SKAP1: variants seen among roughly 807,000 people sequenced by gnomAD.
SKAP1 encodes the protein src kinase-associated phosphoprotein 1.
Under a neutral mutation model 58.5 loss-of-function variants are expected in SKAP1, and 44 were observed. The observed-to-expected ratio is 0.75, with a 90% CI of 0.59 to 0.97. The LOEUF (loss-of-function observed/expected upper bound fraction) is 0.97, where lower values mean the gene tolerates loss of function less well. SKAP1 is among the 50% of genes least tolerant of loss of function. The probability of loss-of-function intolerance (pLI) is 0.00; values close to 1 mark genes in which losing one functional copy is unlikely to be tolerated. For synonymous variants in SKAP1, 127 were observed against 149.7 expected, an observed-to-expected ratio of 0.85 and a Z score of 1.11; for missense variants, 390 against 435.2, an observed-to-expected ratio of 0.90 and a Z score of 0.92.
chr17:48,187,353 A>G (rs549797418), intron 6 of SKAP1, among the ~76,000 whole-genome samples: 1 of 152,292 alleles, frequency 6.6e-6, no homozygotes, highest in South Asian at 2.1e-4. Flanking sequence ...TTTGGGTCTC[A>G]ATATTCCATG....
chr17:48,281,084 G>A (rs2065760022), intron 4 of SKAP1, among the ~76,000 whole-genome samples: 1 of 151,822 alleles, frequency 6.6e-6, no homozygotes, highest in Admixed American at 6.6e-5. Context: ...GGAGTGCAGT[G>A]GCGTGATCTT....
chr17:48,327,895 G>C (rs1050560547), intron 4 of SKAP1, among the ~76,000 whole-genome samples: 5 of 152,200 alleles, frequency 3.3e-5, no homozygotes, highest in African/African-American at 9.7e-5. Flanking sequence ...GCCTCCCAAA[G>C]TGCTGGGATT....
intron 2 of SKAP1, among the ~76,000 whole-genome samples, chr17:48,390,779 T>A (rs1427689111): frequency 6.6e-6 from 1 of 152,128 alleles, no homozygotes; most frequent in African/African-American, 2.4e-5. Context: ...AAAAACTCTC[T>A]TAAAAATACA....
At chr17:48,192,234 A>T (rs1216440892) in intron 4 of SKAP1, among the ~76,000 whole-genome samples, 2 of 151,888 alleles carry the variant, frequency 1.3e-5, no homozygotes, top group African/African-American at 2.4e-5. Flanking sequence ...ACATAGGGAG[A>T]TGAGGAAAAC....
At chr17:48,444,779 A>G in the SKAP1 span, among the ~76,000 whole-genome samples, 1 of 152,202 alleles carries the variant, frequency 6.6e-6, no homozygotes, top group Non-Finnish European at 1.5e-5. Context: ...AGTCCCAGCG[A>G]CAGGAGGAAG....
rs139129859 is a variant in SKAP1, at chr17:48,190,294, A to G, written c.281-794T>C. Among the ~76,000 whole-genome samples the G allele has an allele frequency of 3.4e-3, 514 of 151,810 alleles. 2 individuals carry two copies. The highest frequency in any genetic ancestry group is 0.012 in the African/African-American group (493 of 41,398). On this transcript the variant is annotated intron_variant, in intron 4 of 12. Transcript: ENST00000336915. ...GCTAATTTTTTTTTGTTGTATTTTT[A>G]GTAGATATGGGGTTTCACCGTGTTA...
intron 4 of SKAP1, among the ~76,000 whole-genome samples, chr17:48,226,268 TAGAA>T (rs1223238222): frequency 6.6e-6 from 1 of 152,196 alleles, no homozygotes; most frequent in African/African-American, 2.4e-5. Context: ...AATGGATCTT[TAGAA>T]AGAATAAGAG....
chr17:48,334,376 A>AAATATATC (rs2066541314), intron 4 of SKAP1, among the ~76,000 whole-genome samples: 1 of 151,986 alleles, frequency 6.6e-6, no homozygotes, highest in African/African-American at 2.4e-5. Context: ...AGCTTTGTGA[A>AAATATATC]AATATATCAA....
rs750379986 is a variant in SKAP1, at chr17:48,170,621, G to T, written c.865C>A (p.Arg289=). Residue 289 remains arginine (R), a synonymous_variant, in exon 10 of 13, where the codon CGA becomes AGA. Coordinates refer to ENST00000336915, the MANE Select transcript of SKAP1 (RefSeq NM_003726.4). The stretch of plus-strand genomic sequence containing the variant: ...GAAGCTCTTATACCTCCTTTTCGTC[G>T]AGTGCCACTCTCATCCTCTTCTAGA... The part of the protein sequence containing the change: ...HDLEEDESGT[R]RKGVDYASYY... 3.1e-6 allele frequency: 5 copies of T among 1,613,500 alleles called. No individual in the cohort carries two copies. Among genetic ancestry groups the T allele is most frequent in the Non-Finnish European group, 3.4e-6 (4 of 1,179,750 alleles).
intron 4 of SKAP1, among the ~76,000 whole-genome samples, chr17:48,218,407 A>G (rs2064965406): frequency 6.6e-6 from 1 of 152,186 alleles, no homozygotes; most frequent in Non-Finnish European, 1.5e-5. Context: ...TCCCAACAGC[A>G]TTTCATGAAA....
chr17:48,196,199 A>G lies in SKAP1; in HGVS notation c.281-6699T>C, dbSNP rs552005859. On this transcript the variant is annotated intron_variant, in intron 4 of 12. Transcript: ENST00000336915. ...AGCCCATGCTGTTTCCAATACTCTG[A>G]GCTTCAGACATGCACAGAAGTGGAT... 6.4e-4 allele frequency among the ~76,000 whole-genome samples: 98 copies of G among 152,288 alleles called. 1 individual carries two copies. The highest frequency in any genetic ancestry group is 2.3e-3 in the African/African-American group (94 of 41,558).
chr17:48,416,822 G>C (rs2067736844), intron 1 of SKAP1, among the ~76,000 whole-genome samples: 1 of 152,160 alleles, frequency 6.6e-6, no homozygotes, highest in African/African-American at 2.4e-5. Context: ...GTACACTGAA[G>C]TTATCAGACC....
chr17:48,289,956 C>T (rs1486513691), intron 4 of SKAP1, among the ~76,000 whole-genome samples: 1 of 152,028 alleles, frequency 6.6e-6, no homozygotes, highest in East Asian at 1.9e-4. Flanking sequence ...AAGAACTGAA[C>T]ATTAGTTTAA....
Position 48,348,434 on chromosome 17 carries a change from GC to G in SKAP1, c.179-2429del, listed in dbSNP as rs893854735. Among the ~76,000 whole-genome samples, 10 of 151,638 alleles carry G rather than the reference GC, an allele frequency of 6.6e-5. No homozygotes were observed. The South Asian group carries it at 1.7e-3, about 25-fold the overall frequency. On this transcript the variant is annotated intron_variant, in intron 3 of 12. Transcript: ENST00000336915. ...TTAAAAAACATGCAGATCAGGAAGGGCTTTTTTTTTTAGTGAACTTTTTATT... is the reference window on the plus strand; with the variant it reads ...TTAAAAAACATGCAGATCAGGAAGGGTTTTTTTTTTAGTGAACTTTTTATT...
intron 4 of SKAP1, among the ~76,000 whole-genome samples, chr17:48,229,743 G>A (rs920923047): frequency 6.6e-6 from 1 of 151,706 alleles, no homozygotes; most frequent in Non-Finnish European, 1.5e-5. Context: ...ATTTTGGCTG[G>A]TGCTAAACAC....
At chr17:48,190,885 T>C (rs541154828) in intron 4 of SKAP1, among the ~76,000 whole-genome samples, 7 of 152,292 alleles carry the variant, frequency 4.6e-5, no homozygotes, top group African/African-American at 9.6e-5. Context: ...CTCGGGAGGA[T>C]GAGGCACAAG....
At chr17:48,307,211 G>A (rs370041235) in intron 4 of SKAP1, 1 of 152,202 alleles carries the variant, frequency 6.6e-6, no homozygotes, top group African/African-American at 2.4e-5. Context: ...AGCTGAAAAA[G>A]CTTTGCTTAG....
intron 4 of SKAP1, among the ~76,000 whole-genome samples, chr17:48,219,942 G>C (rs2143718618): frequency 6.6e-6 from 1 of 152,298 alleles, no homozygotes; most frequent in Middle Eastern, 3.4e-3. Flanking sequence ...AGGAAAAAAG[G>C]ATATTTTCAG....
intron 4 of SKAP1, among the ~76,000 whole-genome samples, chr17:48,303,190 C>G (rs778088133): frequency 6.6e-6 from 1 of 152,196 alleles, no homozygotes; most frequent in Admixed American, 6.5e-5. Context: ...GAGAGTCTTA[C>G]TTCACAAGCA....
Sources: gnomAD v4.1 joint callset for allele counts (sites outside exome capture counted in the v4.1 genomes callset) on GRCh38, gnomAD v4.1.1 for gene constraint, MANE v1.5 for transcripts, NCBI Gene and HGNC (gene_info 2026-07-23, HGNC 2026-07-21) for gene names.